The following RIMBP2 variants were observed in gnomAD, a reference collection of about 807,000 sequenced individuals.
The protein encoded by RIMBP2 is RIMS binding protein 2, also known as RIMS-binding protein 2.
RIMBP2 carries 48 observed loss-of-function variants against 118.6 expected under a neutral mutation model. That is an observed-to-expected ratio of 0.40 (90% CI 0.32 to 0.51). The LOEUF (loss-of-function observed/expected upper bound fraction) is 0.51. RIMBP2 is among the 20% of genes least tolerant of loss of function. RIMBP2 has a pLI of 0.41. For missense variants in RIMBP2, 1,551 were observed against 1,768.3 expected, an observed-to-expected ratio of 0.88 and a Z score of 2.20; for synonymous variants, 762 against 742.9, an observed-to-expected ratio of 1.03 and a Z score of -0.42.
intron 4 of RIMBP2, among the ~76,000 whole-genome samples, chr12:130,479,576 AC>A (rs1170950441): frequency 2.0e-5 from 3 of 150,670 alleles, no homozygotes; most frequent in African/African-American, 7.4e-5. Flanking sequence ...CAGAATGCAA[AC>A]CCAGAGTCCG....
At chr12:130,464,370 G>A (rs2080267894) in intron 6 of RIMBP2, among the ~76,000 whole-genome samples, 1 of 152,222 alleles carries the variant, frequency 6.6e-6, no homozygotes, top group Non-Finnish European at 1.5e-5. Context: ...ATTGATCACT[G>A]GCTGAATACC....
rs1594074859 is a variant in RIMBP2, at chr12:130,621,711, G to C, written c.-217+6611C>G. Among the ~76,000 whole-genome samples, 1 of 152,206 alleles carries C rather than the reference G, an allele frequency of 6.6e-6. No individual in the cohort carries two copies. Among genetic ancestry groups the C allele is most frequent in the African/African-American group, 2.4e-5 (1 of 41,456 alleles). On this transcript the variant is annotated intron_variant, in intron 2 of 22. Transcript: ENST00000690449. This position sits in a 1 kb window ranked among gnomAD's most constrained non-coding sequence, Gnocchi z 6.6. ...GGCCCGAGTTTACCAAGAGACACGA[G>C]TGAAATGGATGATACCGAGACCTGG...
chr12:130,567,938 C>T (rs1164663417), intron 2 of RIMBP2, among the ~76,000 whole-genome samples: 2 of 152,094 alleles, frequency 1.3e-5, no homozygotes, highest in Non-Finnish European at 2.9e-5. Context: ...TGCACCTTGG[C>T]CTGTCTTACC....
chr12:130,451,624 G>A (rs1251580466), intron 7 of RIMBP2, among the ~76,000 whole-genome samples: 2 of 152,214 alleles, frequency 1.3e-5, no homozygotes, highest in Non-Finnish European at 2.9e-5. Context: ...GAGAGTTGAT[G>A]GCAAACAGGC....
intron 1 of RIMBP2, among the ~76,000 whole-genome samples, chr12:130,713,345 C>G (rs1025556052): frequency 3.8e-4 from 58 of 151,632 alleles, no homozygotes; most frequent in Admixed American, 3.7e-3. Flanking sequence ...ACAAGAGATG[C>G]AGGTGTCCTC....
intron 7 of RIMBP2, among the ~76,000 whole-genome samples, chr12:130,453,617 G>A (rs112379887): frequency 3.3e-5 from 5 of 152,352 alleles, no homozygotes; most frequent in African/African-American, 7.2e-5. Flanking sequence ...CCCCACTCAC[G>A]TGGGAAACCT....
intron 17 of RIMBP2, among the ~76,000 whole-genome samples, chr12:130,417,977 A>G (rs1334899041): frequency 1.3e-5 from 2 of 152,120 alleles, no homozygotes; most frequent in Non-Finnish European, 2.9e-5. Context: ...AGAGAGCAGC[A>G]TTGGGAGAAG....
intron 1 of RIMBP2, among the ~76,000 whole-genome samples, chr12:130,673,318 T>C (rs973963167): frequency 2.0e-5 from 3 of 152,158 alleles, no homozygotes; most frequent in Non-Finnish European, 4.4e-5. Context: ...TGCCACCCCA[T>C]CAACCTGTTG....
intron 2 of RIMBP2, among the ~76,000 whole-genome samples, chr12:130,535,576 AGACT>A (rs2053919178): frequency 6.6e-6 from 1 of 151,816 alleles, no homozygotes; most frequent in Non-Finnish European, 1.5e-5. Flanking sequence ...ACCATTGCAT[AGACT>A]AACTCATTTA....
chr12:130,548,482 T>C (rs2055387787), intron 2 of RIMBP2, among the ~76,000 whole-genome samples: 1 of 152,184 alleles, frequency 6.6e-6, no homozygotes, highest in Non-Finnish European at 1.5e-5. Flanking sequence ...TGATCTATCA[T>C]GCCCACAAAA....
chr12:130,432,099 C>T (rs1313168482), intron 14 of RIMBP2: 2 of 388,802 alleles, frequency 5.1e-6, no homozygotes, highest in Non-Finnish European at 1.0e-5. Flanking sequence ...GGGTCCTTCA[C>T]CCAGAGAACA....
rs550813843 is a variant in RIMBP2 at position 130,458,441 on chromosome 12, C to T, written c.154-1741G>A. On this transcript the variant is annotated intron_variant, in intron 6 of 22. Coordinates refer to ENST00000690449, the MANE Select transcript of RIMBP2 (RefSeq NM_001393629.1). The stretch of plus-strand genomic sequence containing the variant: ...TGCAGGTGGGATGACGACTTGGCTT[C>T]GCAGGGCTTGCAGGGGCTCTGACTC... Among the ~76,000 whole-genome samples the T allele has an allele frequency of 1.8e-4, 27 of 152,190 alleles. 1 individual carries two copies. Among genetic ancestry groups the T allele is most frequent in the Admixed American group, 1.3e-3 (20 of 15,296 alleles).
At chr12:130,584,882 A>T (rs761540602) in intron 2 of RIMBP2, among the ~76,000 whole-genome samples, 9 of 92,806 alleles carry the variant, frequency 9.7e-5, no homozygotes, top group Non-Finnish European at 2.2e-4. Context: ...ATTTTTATTT[A>T]TTAAAGTTGT....
chr12:130,538,568 T>C (rs926842398), intron 2 of RIMBP2, among the ~76,000 whole-genome samples: 4 of 152,022 alleles, frequency 2.6e-5, no homozygotes, highest in Admixed American at 6.6e-5. Flanking sequence ...AAGAAAAGCC[T>C]CCCTCCCCGT....
chr12:130,562,867 A>G (rs150439918), intron 2 of RIMBP2, among the ~76,000 whole-genome samples: 4 of 152,364 alleles, frequency 2.6e-5, no homozygotes, highest in Non-Finnish European at 5.9e-5. Context: ...CACTGGGCAC[A>G]TTCAAGAGTG....
chr12:130,455,448 T>C (rs914989229), intron 7 of RIMBP2, among the ~76,000 whole-genome samples: 8 of 152,144 alleles, frequency 5.3e-5, no homozygotes, highest in African/African-American at 1.7e-4. Flanking sequence ...GCAGCCTGGG[T>C]GTCGTGAGTG....
intron 1 of RIMBP2, among the ~76,000 whole-genome samples, chr12:130,667,060 G>GT (rs2063961246): frequency 1.5e-5 from 1 of 66,496 alleles, no homozygotes. Context: ...AGGGAGAAAA[G>GT]GAAGAAGGGA....
At chr12:130,428,382 C>T (rs1258258463) in intron 14 of RIMBP2, 45 bp from the exon 15 acceptor site, 1 of 1,572,908 alleles carries the variant, frequency 6.4e-7, no homozygotes. Flanking sequence ...GCTCCTCCCG[C>T]ATCCTACAAG....
In RIMBP2 at chr12:130,423,562, C is replaced by T. The variant is rs151200749; in HGVS notation, c.3129+580G>A. On this transcript the variant is annotated intron_variant, in intron 16 of 22. Coordinates refer to ENST00000690449, the MANE Select transcript of RIMBP2 (RefSeq NM_001393629.1). ...CAACAACAAGCCCAGACGGCAGGGC[C>T]GGCGGGGAGAAGGCTGATCATGGAA... Among the ~76,000 whole-genome samples the T allele has an allele frequency of 5.3e-4, 80 of 150,426 alleles. No homozygotes were observed. The Middle Eastern group carries it at 0.014, about 26-fold the overall frequency.
Sources: gnomAD v4.1 joint callset for allele counts (sites outside exome capture counted in the v4.1 genomes callset) on GRCh38, gnomAD v4.1.1 for gene constraint, Gnocchi (gnomAD v3.1) non-coding constraint, MANE v1.5 for transcripts, NCBI Gene and HGNC (gene_info 2026-07-23, HGNC 2026-07-21) for gene names.